COL24A1: variants seen among roughly 807,000 people sequenced by gnomAD.
The protein encoded by COL24A1 is collagen alpha-1(XXIV) chain.
COL24A1 carries 224 observed loss-of-function variants against 253.9 expected under a neutral mutation model. The observed-to-expected ratio is 0.88, with a 90% confidence interval of 0.79 to 0.99. The LOEUF is 0.99. Ranked by LOEUF, COL24A1 falls within the 50% of genes least tolerant of loss-of-function variation. The probability of loss-of-function intolerance (pLI) is 0.00; values close to 1 mark genes in which losing one functional copy is unlikely to be tolerated. For synonymous variants in COL24A1, 685 were observed against 673.7 expected (o/e 1.02, Z -0.26); for missense variants, 2,131 against 2,068.5 (o/e 1.03, Z -0.59).
intron 28 of COL24A1, among the ~76,000 whole-genome samples, chr1:85,900,790 G>C (rs1051151649): frequency 2.0e-5 from 3 of 152,066 alleles, no homozygotes; most frequent in African/African-American, 7.2e-5. Context: ...TTTGACAAAG[G>C]TGCCAAGAGC....
intron 43 of COL24A1, among the ~76,000 whole-genome samples, chr1:85,833,589 C>G (rs961671928): frequency 6.6e-6 from 1 of 152,108 alleles, no homozygotes; most frequent in Non-Finnish European, 1.5e-5. Context: ...CTACAAATAC[C>G]ACTTGACCCA....
intron 12 of COL24A1, among the ~76,000 whole-genome samples, chr1:86,036,898 C>T (rs1057500310): frequency 3.9e-5 from 6 of 152,230 alleles, no homozygotes; most frequent in South Asian, 4.1e-4. Flanking sequence ...AATACTCTCA[C>T]GTTGCCAAAG....
intron 43 of COL24A1, among the ~76,000 whole-genome samples, chr1:85,824,875 G>A (rs1386371215): frequency 1.3e-5 from 2 of 150,958 alleles, no homozygotes; most frequent in African/African-American, 2.4e-5. Flanking sequence ...AGAAGAGATT[G>A]CATACATAGG....
In COL24A1 at chr1:85,792,460, G is replaced by A. The variant is rs577063908; in HGVS notation, c.3952-5999C>T. On this transcript the variant is annotated intron_variant, in intron 47 of 59. Coordinates refer to ENST00000370571, the MANE Select transcript of COL24A1 (RefSeq NM_152890.7). ...CCAGCACTTTGGTAGAGGCTAAGGT[G>A]GGAGGATTACTTGAGCCCAGGAGTT... Among the ~76,000 whole-genome samples, 3 of 151,306 alleles carry A rather than the reference G, an allele frequency of 2.0e-5. No individual in the cohort carries two copies. In the South Asian group the frequency reaches 6.3e-4, roughly 32 times the overall value.
rs148222667 is a variant in COL24A1 at position 86,122,819 on chromosome 1, C to G, written c.1491+2026G>C. 3.6e-4 allele frequency among the ~76,000 whole-genome samples: 55 copies of G among 152,094 alleles called. No homozygotes were observed. In the East Asian group the frequency reaches 0.01, roughly 28 times the overall value. On this transcript the variant is annotated intron_variant, in intron 3 of 59. Coordinates refer to ENST00000370571, the MANE Select transcript of COL24A1 (RefSeq NM_152890.7). ...AACACCAAGATGGTAACAGAAACTT[C>G]GTATCCTGGACACTGTTACCAGACC...
At chr1:86,064,766 T>C (rs1701346976) in intron 7 of COL24A1, among the ~76,000 whole-genome samples, 1 of 152,124 alleles carries the variant, frequency 6.6e-6, no homozygotes. Context: ...TGAATTCGGA[T>C]TAATGGATTA....
intron 23 of COL24A1, 138 bp downstream of exon 23, chr1:85,964,871 A>G: frequency 1.5e-6 from 1 of 652,504 alleles, no homozygotes. Context: ...ATAGATTCTC[A>G]GTTGCTCTTT....
rs998334046 is a variant in COL24A1 at position 86,145,985 on chromosome 1, C to A, written c.121+134G>T. 5.0e-6 allele frequency: 3 copies of A among 598,186 alleles called. No individual in the cohort carries two copies. The African/African-American group carries it at 5.7e-5, about 11-fold the overall frequency. 37.1% of individuals were successfully genotyped at this position (598,186 alleles called of 1,614,324 possible). ...ATTGGTTTCTTTAATCTTACATTCT[C>A]ATGGTACTGGGTGGAATTTTTGTTA... On this transcript the variant is annotated intron_variant, in intron 2 of 59. Transcript: ENST00000370571.
intron 19 of COL24A1, among the ~76,000 whole-genome samples, chr1:86,013,199 A>G (rs1474845805): frequency 6.6e-6 from 1 of 152,174 alleles, no homozygotes; most frequent in African/African-American, 2.4e-5. Flanking sequence ...TCAGATATTA[A>G]CTTAAACCTT....
chr1:85,763,345 G>C (rs1036285527), intron 53 of COL24A1, among the ~76,000 whole-genome samples: 5 of 151,846 alleles, frequency 3.3e-5, no homozygotes, highest in Non-Finnish European at 7.4e-5. Context: ...TTGAACCCGG[G>C]AAGCAGAGGT....
intron 47 of COL24A1, among the ~76,000 whole-genome samples, chr1:85,809,626 G>C (rs1047539250): frequency 2.6e-5 from 4 of 151,812 alleles, no homozygotes; most frequent in Non-Finnish European, 5.9e-5. Context: ...CAATAAAAGG[G>C]GCACAGTTCT....
At chr1:86,072,473 G>T (rs558419371) in intron 7 of COL24A1, among the ~76,000 whole-genome samples, 22 of 152,172 alleles carry the variant, frequency 1.4e-4, no homozygotes, top group Non-Finnish European at 2.9e-4. Flanking sequence ...ATCTCTGAAA[G>T]AAAGGCAGCA....
At chr1:86,065,950 G>A (rs1023014269) in intron 7 of COL24A1, among the ~76,000 whole-genome samples, 2 of 152,120 alleles carry the variant, frequency 1.3e-5, no homozygotes, top group African/African-American at 4.8e-5. Context: ...GGAAGCCAAA[G>A]TATACACAAA....
intron 47 of COL24A1, among the ~76,000 whole-genome samples, chr1:85,806,537 TA>T (rs1404865808): frequency 1.3e-5 from 2 of 152,256 alleles, no homozygotes; most frequent in Non-Finnish European, 2.9e-5. Context: ...TGTGTTCCAA[TA>T]AATTAATTTA....
At chr1:85,920,777 T>G (rs1686374313) in intron 24 of COL24A1, among the ~76,000 whole-genome samples, 2 of 151,616 alleles carry the variant, frequency 1.3e-5, no homozygotes, top group Non-Finnish European at 2.9e-5. Flanking sequence ...CAACAGACAG[T>G]TGTGCTTGTA....
At chr1:86,068,833 G>T (rs1281844638) in intron 7 of COL24A1, among the ~76,000 whole-genome samples, 1 of 152,028 alleles carries the variant, frequency 6.6e-6, no homozygotes, top group East Asian at 1.9e-4. Flanking sequence ...CCCCATTTGA[G>T]GCCCTAGCTC....
At position 85,737,510 on chromosome 1, in the gene COL24A1, T is replaced by G. The variant is rs368935297; in HGVS notation, c.4673-5A>C. ...TTGGGTCAATCCAGTATTTTCCTAATAATTTATAGTAAAACATAAAGTTAA... is the reference window on the plus strand; with the variant it reads ...TTGGGTCAATCCAGTATTTTCCTAAGAATTTATAGTAAAACATAAAGTTAA... On this transcript the variant is annotated splice_polypyrimidine_tract_variant and splice_region_variant and intron_variant, in intron 57 of 59. Transcript: ENST00000370571. The G allele has an allele frequency of 1.3e-6, 2 of 1,567,310 alleles. No homozygotes were observed.
At chr1:85,879,735 G>C (rs1318518685) in intron 32 of COL24A1, among the ~76,000 whole-genome samples, 3 of 152,154 alleles carry the variant, frequency 2.0e-5, no homozygotes, top group Non-Finnish European at 4.4e-5. Flanking sequence ...GCATCATCAA[G>C]ATCTTCATCC....
intron 13 of COL24A1, among the ~76,000 whole-genome samples, 185 bp downstream of exon 13, chr1:86,033,685 A>C (rs77513856): frequency 0.011 from 1,657 of 152,304 alleles, 31 homozygotes; most frequent in African/African-American, 0.038. Flanking sequence ...TGTCATGATG[A>C]AATTTGAAAT....
Sources: gnomAD v4.1 joint callset for allele counts (sites outside exome capture counted in the v4.1 genomes callset) on GRCh38, gnomAD v4.1.1 for gene constraint, MANE v1.5 for transcripts, NCBI Gene and HGNC (gene_info 2026-07-23, HGNC 2026-07-21) for gene names.